CRIM1: variants seen among roughly 807,000 people sequenced by gnomAD.
The protein encoded by CRIM1 is cysteine rich transmembrane BMP regulator 1, also known as cysteine-rich motor neuron 1 protein.
A neutral mutation model predicts 116.4 loss-of-function variants in CRIM1; 32 were observed. The ratio of observed to expected loss-of-function variants is 0.27; its 90% confidence interval spans 0.21 to 0.37. CRIM1 has a LOEUF of 0.37. Among genes scored for constraint, CRIM1 ranks in the 10% least tolerant of loss-of-function variants. The pLI is 1.00. For missense variants in CRIM1, 1,331 were observed against 1,354.8 expected (o/e 0.98, Z 0.28); for synonymous variants, 590 against 509.2 (o/e 1.16, Z -2.13).
At position 36,476,855 on chromosome 2, in the gene CRIM1, A is replaced by G; in HGVS notation, c.992-34A>G. On this transcript the variant is annotated intron_variant, in intron 5 of 16. Coordinates refer to ENST00000280527, the MANE Select transcript of CRIM1 (RefSeq NM_016441.3). ...CAAAGGACACAACTAAAAAATGACT[A>G]CAAATATGCCTTGTTTGTTTTAACT... 1.9e-6 allele frequency: 3 copies of G among 1,557,006 alleles called. No individual in the cohort carries two copies. In the South Asian group the frequency reaches 3.6e-5, roughly 19 times the overall value.
intron 7 of CRIM1, among the ~76,000 whole-genome samples, chr2:36,485,799 A>G (rs1679775152): frequency 1.3e-5 from 2 of 152,216 alleles, no homozygotes; most frequent in Admixed American, 1.3e-4. Flanking sequence ...TCAGTGCCAT[A>G]TACGATGCTA....
chr2:36,407,404 T>C lies in CRIM1; in HGVS notation c.505+10617T>C, dbSNP rs146687625. Among the ~76,000 whole-genome samples the C allele has an allele frequency of 6.7e-3, 1,019 of 152,320 alleles. 10 individuals carry two copies. The highest frequency in any genetic ancestry group is 0.023 in the African/African-American group (962 of 41,574). On this transcript the variant is annotated intron_variant, in intron 2 of 16. Coordinates refer to ENST00000280527, the MANE Select transcript of CRIM1 (RefSeq NM_016441.3). ...TGTAAGTAGTGTACTTTTATTTACG[T>C]TGACAGTTAATATTTAAAAATTTTT...
At chr2:36,450,024 A>G (rs1303455207) in intron 4 of CRIM1, among the ~76,000 whole-genome samples, 1 of 152,134 alleles carries the variant, frequency 6.6e-6, no homozygotes, top group Non-Finnish European at 1.5e-5. Context: ...TGGTTAGTTG[A>G]CTATTGTTAG....
At chr2:36,379,894 T>A (rs1670606153) in intron 1 of CRIM1, among the ~76,000 whole-genome samples, 2 of 145,170 alleles carry the variant, frequency 1.4e-5, no homozygotes, top group East Asian at 4.2e-4. Context: ...TTAAAAGCAA[T>A]GGTTTGGTTA....
At chr2:36,438,563 T>C (rs890383341) in intron 2 of CRIM1, among the ~76,000 whole-genome samples, 1 of 152,194 alleles carries the variant, frequency 6.6e-6, no homozygotes, top group African/African-American at 2.4e-5. Context: ...GGGGTTATAC[T>C]ATGAAAGTGG....
chr2:36,441,337 G>C lies in CRIM1; in HGVS notation c.585G>C (p.Glu195Asp), dbSNP rs777621761. The C allele has an allele frequency of 6.2e-7, 1 of 1,614,194 alleles. No individual in the cohort carries two copies. Among genetic ancestry groups the C allele is most frequent in the Non-Finnish European group, 8.5e-7 (1 of 1,180,030 alleles). Residue 195 changes from glutamate to aspartate, a missense_variant, in exon 3 of 17, where the codon GAG becomes GAC. This residue lies in a region of CRIM1 where 690 missense variants were observed against 676.0 expected (regional missense o/e 1.02). Transcript: ENST00000280527. ...PRCPEDSVLI[E>D]GYAPPGECCP... ...GTCCTGAAGATTCTGTTCTGATCGA[G>C]GGTTATGCTCCTCCTGGGGAGTGCT...
intron 4 of CRIM1, among the ~76,000 whole-genome samples, chr2:36,458,485 T>C (rs1394854166): frequency 6.6e-6 from 1 of 152,198 alleles, no homozygotes; most frequent in Non-Finnish European, 1.5e-5. Context: ...GTCTGAAACA[T>C]GCCTAGTGGT....
intron 16 of CRIM1, 109 bp downstream of exon 16, chr2:36,547,280 C>T: frequency 4.8e-6 from 4 of 826,882 alleles, no homozygotes; most frequent in South Asian, 3.1e-5. Flanking sequence ...TTTTACTTTG[C>T]TCTTCATAGC....
chr2:36,421,080 T>G (rs1174785838), intron 2 of CRIM1, among the ~76,000 whole-genome samples: 1 of 152,234 alleles, frequency 6.6e-6, no homozygotes, highest in Non-Finnish European at 1.5e-5. Flanking sequence ...ATACAGTCTT[T>G]TGATCCTTGG....
At chr2:36,396,483 C>T in intron 1 of CRIM1, 131 bp from the exon 2 acceptor site, 1 of 556,332 alleles carries the variant, frequency 1.8e-6, no homozygotes, top group Non-Finnish European at 3.1e-6. Flanking sequence ...AAGTTTCAGC[C>T]AGACTGCCTT....
chr2:36,458,444 A>G (rs922459183), intron 4 of CRIM1, among the ~76,000 whole-genome samples: 1 of 152,328 alleles, frequency 6.6e-6, no homozygotes, highest in Non-Finnish European at 1.5e-5. Context: ...TAGTAAAACA[A>G]ACTGTTGACC....
At chr2:36,508,279 C>G (rs1466433983) in intron 8 of CRIM1, among the ~76,000 whole-genome samples, 1 of 152,144 alleles carries the variant, frequency 6.6e-6, no homozygotes, top group Non-Finnish European at 1.5e-5. Flanking sequence ...ATCACATTTT[C>G]CTTCTTAAAA....
chr2:36,510,640 C>T (rs546995301), intron 9 of CRIM1, among the ~76,000 whole-genome samples: 25 of 152,194 alleles, frequency 1.6e-4, no homozygotes, highest in African/African-American at 5.1e-4. Flanking sequence ...CTTTATCTAG[C>T]GTTAGATTTT....
chr2:36,370,660 C>A (rs1251088711), intron 1 of CRIM1, among the ~76,000 whole-genome samples: 2 of 151,864 alleles, frequency 1.3e-5, no homozygotes, highest in Admixed American at 6.6e-5. Flanking sequence ...AAGTGAATGC[C>A]CTTGAGTCAG....
At chr2:36,470,755 A>G (rs1046177624) in intron 5 of CRIM1, among the ~76,000 whole-genome samples, 4 of 152,252 alleles carry the variant, frequency 2.6e-5, no homozygotes, top group Non-Finnish European at 5.9e-5. Context: ...CCATGGACCA[A>G]GGAGTCATTT....
At chr2:36,471,360 G>A (rs970938678) in intron 5 of CRIM1, among the ~76,000 whole-genome samples, 4 of 152,106 alleles carry the variant, frequency 2.6e-5, no homozygotes, top group African/African-American at 4.8e-5. Context: ...AATCTTTCAT[G>A]AAAGGAAGAG....
At chr2:36,546,785 T>G (rs2125195141) in intron 15 of CRIM1, among the ~76,000 whole-genome samples, 199 bp from the exon 16 acceptor site, 1 of 149,132 alleles carries the variant, frequency 6.7e-6, no homozygotes, top group Non-Finnish European at 1.5e-5. Context: ...TTTTTTTTTT[T>G]TTTTTAACAT....
At chr2:36,378,443 A>G (rs1670483711) in intron 1 of CRIM1, 1 of 470,470 alleles carries the variant, frequency 2.1e-6, no homozygotes, top group South Asian at 1.6e-5. Flanking sequence ...TCCAGATGCA[A>G]CAGTAGGGAA....
intron 2 of CRIM1, among the ~76,000 whole-genome samples, chr2:36,415,536 AT>A (rs1304702171): frequency 2.0e-5 from 3 of 152,142 alleles, no homozygotes; most frequent in Non-Finnish European, 4.4e-5. Context: ...CCATATCCCA[AT>A]TTGTTTGGCT....
Sources: allele counts gnomAD v4.1 joint callset (sites outside exome capture counted in the v4.1 genomes callset), GRCh38; gene constraint gnomAD v4.1.1; regional missense constraint gnomAD v4.1.1; transcripts MANE v1.5; gene names NCBI Gene and HGNC (gene_info 2026-07-23, HGNC 2026-07-21).